Variants in SLC44A5 observed in about 807,000 individuals in gnomAD.
SLC44A5 encodes the protein choline transporter-like protein 5.
In SLC44A5, 57 loss-of-function variants were observed where a neutral mutation model predicts 101.8. That is an observed-to-expected ratio of 0.56 (90% CI 0.45 to 0.70). The LOEUF (loss-of-function observed/expected upper bound fraction) is 0.70, where lower values mean the gene tolerates loss of function less well. Ranked by LOEUF, SLC44A5 falls within the 30% of genes least tolerant of loss-of-function variation. SLC44A5 has a pLI of 0.00. For missense variants in SLC44A5, 737 were observed against 853.1 expected (o/e 0.86, Z 1.70); for synonymous variants, 281 against 290.9 (o/e 0.97, Z 0.35).
chr1:75,310,617 G>GA (rs1193819296), intron 4 of SLC44A5, among the ~76,000 whole-genome samples: 2 of 152,184 alleles, frequency 1.3e-5, no homozygotes, highest in African/African-American at 4.8e-5. Flanking sequence ...AGCTACTACT[G>GA]AGATTTATTT....
the SLC44A5 span, among the ~76,000 whole-genome samples, chr1:75,677,123 G>A: frequency 1.3e-5 from 2 of 151,870 alleles, no homozygotes; most frequent in Non-Finnish European, 2.9e-5. Context: ...CAATCAGAAA[G>A]AAAAGGACAT....
At chr1:75,260,615 T>G (rs201957522) in intron 6 of SLC44A5, among the ~76,000 whole-genome samples, 2 of 152,160 alleles carry the variant, frequency 1.3e-5, no homozygotes, top group East Asian at 3.9e-4. Context: ...AACAGATCAA[T>G]GAGACAGAAT....
chr1:75,218,870 GCT>G, intron 16 of SLC44A5, 118 bp from the exon 17 acceptor site: 1 of 880,408 alleles, frequency 1.1e-6, no homozygotes, highest in Non-Finnish European at 1.7e-6. Flanking sequence ...GTTAGCTCCT[GCT>G]CTTACTCCTC....
At chr1:75,478,468 A>G (rs1667587164) in intron 2 of SLC44A5, among the ~76,000 whole-genome samples, 2 of 152,232 alleles carry the variant, frequency 1.3e-5, no homozygotes. Context: ...AATTGGATAA[A>G]GAGTCAAGAC....
At chr1:75,481,217 C>A (rs1667823315) in intron 2 of SLC44A5, among the ~76,000 whole-genome samples, 1 of 152,204 alleles carries the variant, frequency 6.6e-6, no homozygotes, top group South Asian at 2.1e-4. Context: ...AAAGCTGAAA[C>A]TGGATCCCTT....
the SLC44A5 span, chr1:75,641,363 C>G: frequency 2.6e-6 from 2 of 781,586 alleles, no homozygotes. Context: ...AGTATCGTCT[C>G]CGGGCATAAA....
intron 3 of SLC44A5, among the ~76,000 whole-genome samples, chr1:75,342,001 G>T (rs1657921587): frequency 6.6e-6 from 1 of 152,042 alleles, no homozygotes; most frequent in African/African-American, 2.4e-5. Context: ...TTTGATTTTA[G>T]TCTCAATTTA....
intron 5 of SLC44A5, among the ~76,000 whole-genome samples, chr1:75,287,029 A>C (rs960869009): frequency 6.6e-6 from 1 of 152,122 alleles, no homozygotes; most frequent in Non-Finnish European, 1.5e-5. Context: ...AGTCCCTCAA[A>C]TATGTTATCC....
intron 4 of SLC44A5, among the ~76,000 whole-genome samples, chr1:75,302,447 T>C (rs1654565229): frequency 1.3e-5 from 2 of 151,990 alleles, no homozygotes; most frequent in Admixed American, 1.3e-4. Context: ...TCCTTATATA[T>C]CTATAATGTT....
At chr1:75,394,142 AG>A (rs1661973554) in intron 3 of SLC44A5, among the ~76,000 whole-genome samples, 1 of 152,154 alleles carries the variant, frequency 6.6e-6, no homozygotes, top group Non-Finnish European at 1.5e-5. Context: ...TCAGAGAGTC[AG>A]GAGGAAACCC....
At chr1:75,510,016 A>G (rs1355058620) in intron 2 of SLC44A5, among the ~76,000 whole-genome samples, 2 of 152,172 alleles carry the variant, frequency 1.3e-5, no homozygotes, top group Non-Finnish European at 2.9e-5. Context: ...GGCAGCAAGA[A>G]AGAGCATGTG....
chr1:75,689,906 ATGC>A, the SLC44A5 span, among the ~76,000 whole-genome samples: 1 of 152,114 alleles, frequency 6.6e-6, no homozygotes, highest in African/African-American at 2.4e-5. Context: ...AATTTTGGTC[ATGC>A]AAGGATTTCA....
intron 2 of SLC44A5, among the ~76,000 whole-genome samples, chr1:75,420,866 T>G (rs943965960): frequency 6.6e-6 from 1 of 152,146 alleles, no homozygotes; most frequent in Non-Finnish European, 1.5e-5. Context: ...TGTCCCACAG[T>G]TAAGAGTATC....
chr1:75,456,274 T>C (rs548642360), intron 2 of SLC44A5, among the ~76,000 whole-genome samples: 14 of 152,302 alleles, frequency 9.2e-5, no homozygotes, highest in Admixed American at 9.2e-4. Context: ...AAACACTGCA[T>C]GTTCTCACAA....
the SLC44A5 span, among the ~76,000 whole-genome samples, chr1:75,714,400 G>A: frequency 6.6e-6 from 1 of 152,098 alleles, no homozygotes; most frequent in Non-Finnish European, 1.5e-5. Flanking sequence ...AGTCATCTAT[G>A]ACAAACCCAC....
chr1:75,436,414 T>C (rs1664893068), intron 2 of SLC44A5, among the ~76,000 whole-genome samples: 2 of 152,140 alleles, frequency 1.3e-5, no homozygotes, highest in Non-Finnish European at 2.9e-5. Context: ...GGTAACACAA[T>C]AGTAAATATT....
chr1:75,428,080 G>T (rs1164748784), intron 2 of SLC44A5, among the ~76,000 whole-genome samples: 1 of 152,172 alleles, frequency 6.6e-6, no homozygotes, highest in Non-Finnish European at 1.5e-5. Flanking sequence ...AGACTGGAGG[G>T]CTGGAGTGAA....
At chr1:75,689,163 T>C in the SLC44A5 span, among the ~76,000 whole-genome samples, 1 of 152,170 alleles carries the variant, frequency 6.6e-6, no homozygotes, top group South Asian at 2.1e-4. Flanking sequence ...GAAAATGACT[T>C]GGCATGAGTA....
At chr1:75,558,357 C>T (rs932993311) in intron 1 of SLC44A5, among the ~76,000 whole-genome samples, 30 of 152,038 alleles carry the variant, frequency 2.0e-4, no homozygotes, top group Admixed American at 1.1e-3. Flanking sequence ...GTTATGGAGA[C>T]GTGTCAATAA....
Sources: allele counts gnomAD v4.1 joint callset (sites outside exome capture counted in the v4.1 genomes callset), GRCh38; gene constraint gnomAD v4.1.1; transcripts MANE v1.5; gene names NCBI Gene and HGNC (gene_info 2026-07-23, HGNC 2026-07-21).